ARHGAP30: variants seen among roughly 807,000 people sequenced by gnomAD.
ARHGAP30 encodes rho GTPase-activating protein 30.
In ARHGAP30, 23 loss-of-function variants were observed where a neutral mutation model predicts 72.0. That is an observed-to-expected ratio of 0.32 (90% CI 0.23 to 0.45). ARHGAP30 has a LOEUF of 0.45. ARHGAP30 is among the 20% of genes least tolerant of loss of function. The probability of loss-of-function intolerance (pLI) is 1.00; values close to 1 mark genes in which losing one functional copy is unlikely to be tolerated. For missense variants in ARHGAP30, 1,319 were observed against 1,383.4 expected, an observed-to-expected ratio of 0.95 and a Z score of 0.74; for synonymous variants, 576 against 528.2, an observed-to-expected ratio of 1.09 and a Z score of -1.24.
Position 161,053,310 on chromosome 1 carries a change from C to G in ARHGAP30, c.612G>C (p.Val204=). The change falls in exon 6 of 12, where the codon GTG becomes GTC. Residue 204 remains valine (V), a synonymous_variant. Coordinates refer to ENST00000368013, the MANE Select transcript of ARHGAP30 (RefSeq NM_001025598.2). ...GGTCCACGTGTGTGAGGATGAACTC[C>G]ACGACGATGGATTGTACCCGCACCT... The part of the protein sequence containing the change: ...FMEVRVQSIV[V]EFILTHVDQL... The G allele has an allele frequency of 6.2e-7, 1 of 1,613,978 alleles. No homozygotes were observed. Among genetic ancestry groups the G allele is most frequent in the Non-Finnish European group, 8.5e-7 (1 of 1,180,022 alleles).
intron 1 of ARHGAP30, among the ~76,000 whole-genome samples, chr1:161,061,665 C>A (rs926881924): frequency 5.7e-4 from 87 of 152,296 alleles, no homozygotes; most frequent in Non-Finnish European, 6.2e-4. Flanking sequence ...GGGTGCAAAA[C>A]CTGTACTATC....
rs1346609241 is a variant in ARHGAP30 at position 161,049,640 on chromosome 1, G to T, written c.1470C>A (p.Gly490=). The change falls in exon 11 of 12, where the codon GGC becomes GGA. Residue 490 remains glycine, a synonymous_variant. Coordinates refer to ENST00000368013, the MANE Select transcript of ARHGAP30 (RefSeq NM_001025598.2). ...SPASSPLADS[G]PDDLAPALED... is the part of the protein sequence containing the mutation. ...CCAGGGCAGGAGCCAAGTCGTCTGG[G>T]CCTGAGTCTGCCAGGGGACTTGAGG... 6.2e-7 allele frequency: 1 copy of T among 1,613,856 alleles called. No individual in the cohort carries two copies. The highest frequency in any genetic ancestry group is 8.5e-7 in the Non-Finnish European group (1 of 1,179,958).
Position 161,051,438 on chromosome 1 carries a change from C to T in ARHGAP30, c.1296G>A (p.Pro432=), listed in dbSNP as rs539740244. 3.7e-6 allele frequency: 6 copies of T among 1,614,204 alleles called. No homozygotes were observed. In the East Asian group the frequency reaches 6.7e-5, roughly 18 times the overall value. ...CCAAGGAAACGTTAGAGATGATGTT[C>T]GGGGGCACACTGAGGATAGAGGTGA... ...LHITSILSVP[P]NIISNVSLAR... The change falls in exon 10 of 12, where the codon CCG becomes CCA. Residue 432 remains proline (P), a synonymous_variant. Transcript: ENST00000368013.
Position 161,069,025 on chromosome 1 carries a change from G to T in ARHGAP30, c.97+503C>A, listed in dbSNP as rs958779747. On this transcript the variant is annotated intron_variant, in intron 1 of 11. Transcript: ENST00000368013. This position sits in a 1 kb window ranked among gnomAD's most constrained non-coding sequence, Gnocchi z 4.9. ...CCTGCGGCCCAGCAAGGCTGCAGTGGGAACAGAGCCCATGACCTTGTCCTT... is the reference window on the plus strand; with the variant it reads ...CCTGCGGCCCAGCAAGGCTGCAGTGTGAACAGAGCCCATGACCTTGTCCTT... Among the ~76,000 whole-genome samples, 2 of 152,134 alleles carry T rather than the reference G, an allele frequency of 1.3e-5. No individual in the cohort carries two copies.
At position 161,053,506 on chromosome 1, in the gene ARHGAP30, C is replaced by T. The variant is rs12042437; in HGVS notation, c.537-121G>A. ...TCTCTCTCTCTCTCTCTCTCTCTCT[C>T]GAATGACCTTAACCCCTTCTCTACC... On this transcript the variant is annotated intron_variant, in intron 5 of 11. Transcript: ENST00000368013. 2.7e-3 allele frequency: 2,248 copies of T among 842,658 alleles called. 49 individuals are homozygous for T. The highest frequency in any genetic ancestry group is 0.017 in the African/African-American group (229 of 13,764). 52.2% of individuals were successfully genotyped at this position (842,658 alleles called of 1,614,324 possible).
chr1:161,055,484 C>A (rs1001289150), intron 3 of ARHGAP30, among the ~76,000 whole-genome samples: 2 of 151,828 alleles, frequency 1.3e-5, no homozygotes, highest in Non-Finnish European at 2.9e-5. Context: ...CCGAAGGAGA[C>A]CCTGTCTCAA....
At position 161,059,613 on chromosome 1, in the gene ARHGAP30, C is replaced by T; in HGVS notation, c.200+1G>A. 1 of 1,611,586 alleles carries T rather than the reference C, an allele frequency of 6.2e-7. No homozygotes were observed. The highest frequency in any genetic ancestry group is 8.5e-7 in the Non-Finnish European group (1 of 1,178,580). On this transcript the variant is annotated splice_donor_variant, in intron 2 of 11. Coordinates refer to ENST00000368013, the MANE Select transcript of ARHGAP30 (RefSeq NM_001025598.2). LOFTEE classifies it high-confidence loss of function. ...GAGCCCTCCCACTCTGTTTGACTCA[C>T]CGAAGCTTCTGGATGTTGGAGGAGA... is the stretch of plus-strand genomic sequence containing the variant.
chr1:161,052,236 T>C (rs770924760), intron 9 of ARHGAP30, 50 bp downstream of exon 9: 18 of 1,599,654 alleles, frequency 1.1e-5, no homozygotes, highest in South Asian at 2.2e-5. Context: ...AAGCCCACGC[T>C]GGTCACATAG....
At chr1:161,051,182 A>G in intron 10 of ARHGAP30, 132 bp downstream of exon 10, 1 of 1,420,588 alleles carries the variant, frequency 7.0e-7, no homozygotes, top group Non-Finnish European at 9.3e-7. Context: ...CTAGGGAGGC[A>G]GCTAAAGGTA....
chr1:161,049,790 A>C (rs1651214073), intron 10 of ARHGAP30, 101 bp from the exon 11 acceptor site: 1 of 1,441,620 alleles, frequency 6.9e-7, no homozygotes, highest in African/African-American at 1.4e-5. Flanking sequence ...CAGCACTCCC[A>C]GCATTGCTAC....
chr1:161,054,846 G>T, intron 3 of ARHGAP30, 141 bp from the exon 4 acceptor site: 1 of 731,878 alleles, frequency 1.4e-6, no homozygotes, highest in South Asian at 1.6e-5. Flanking sequence ...GCGGTGCACT[G>T]ACTTGGTAGA....
intron 1 of ARHGAP30, among the ~76,000 whole-genome samples, chr1:161,064,795 G>GAAAGAA (rs1652590536): frequency 1.8e-5 from 1 of 56,170 alleles, no homozygotes; most frequent in African/African-American, 1.1e-4. Flanking sequence ...AAGAAAGAAA[G>GAAAGAA]AAAGAAAGAA....
In ARHGAP30 at chr1:161,051,395, G is replaced by C. The variant is rs1207420924; in HGVS notation, c.1339C>G (p.Leu447Val). 4.3e-6 allele frequency: 7 copies of C among 1,613,958 alleles called. No homozygotes were observed. The highest frequency in any genetic ancestry group is 5.9e-6 in the Non-Finnish European group (7 of 1,180,046). Reference protein sequence around the residue: ...NVSLARLTRGLECPALQHRPS... With the variant: ...NVSLARLTRGVECPALQHRPS... ...CGGTGCTGTAGAGCAGGGCACTCAA[G>C]GCCACGGGTGAGCCTGGCCAAGGAA... The change falls in exon 10 of 12, where the codon CTT becomes GTT. Residue 447 changes from leucine (L) to valine (V), a missense_variant. By Grantham distance (32) the Leu-to-Val change is conservative. This residue lies in a region of ARHGAP30 where 1,097 missense variants were observed against 1,045.2 expected (regional missense o/e 1.05). Coordinates refer to ENST00000368013, the MANE Select transcript of ARHGAP30 (RefSeq NM_001025598.2).
intron 10 of ARHGAP30, among the ~76,000 whole-genome samples, chr1:161,050,295 CTT>C (rs34136308): frequency 3.4e-5 from 4 of 118,610 alleles, no homozygotes; most frequent in Admixed American, 1.9e-4. Context: ...GCACTTGGAC[CTT>C]TTTTTTTTTT....
intron 1 of ARHGAP30, among the ~76,000 whole-genome samples, chr1:161,064,681 C>T (rs1652555915): frequency 6.6e-6 from 1 of 151,546 alleles, no homozygotes; most frequent in Non-Finnish European, 1.5e-5. Flanking sequence ...TGCTTGAGCC[C>T]AGGAGTTTGA....
chr1:161,053,463 TCTCTCTCTCTCTCTC>T, intron 5 of ARHGAP30, 78 bp from the exon 6 acceptor site: 1 of 296,968 alleles, frequency 3.4e-6, no homozygotes, highest in Non-Finnish European at 4.4e-6. Context: ...AATACCTTAT[TCTCTCTCTCTCTCTC>T]TCTCTCTCTC....
At chr1:161,068,979 G>A (rs1253283272) in intron 1 of ARHGAP30, among the ~76,000 whole-genome samples, 2 of 152,120 alleles carry the variant, frequency 1.3e-5, no homozygotes, top group African/African-American at 2.4e-5. Flanking sequence ...GGCAGAGGTT[G>A]TTTCCAGCCC....
chr1:161,055,842 T>TAAAATAAAATAAAATA (rs1209243824), intron 3 of ARHGAP30, among the ~76,000 whole-genome samples: 4 of 31,818 alleles, frequency 1.3e-4, no homozygotes, highest in Non-Finnish European at 2.7e-4. Flanking sequence ...TAAAATAAAA[T>TAAAATAAAATAAAATA]AAATAAAATA....
At chr1:161,058,601 T>C (rs1652067128) in intron 2 of ARHGAP30, among the ~76,000 whole-genome samples, 1 of 138,800 alleles carries the variant, frequency 7.2e-6, no homozygotes, top group Non-Finnish European at 1.5e-5. Flanking sequence ...CACTCCACCC[T>C]GGGCAACAGA....
Sources: allele counts gnomAD v4.1 joint callset (sites outside exome capture counted in the v4.1 genomes callset), GRCh38; gene constraint gnomAD v4.1.1; regional missense constraint gnomAD v4.1.1; non-coding constraint Gnocchi (gnomAD v3.1); transcripts MANE v1.5; gene names NCBI Gene and HGNC (gene_info 2026-07-23, HGNC 2026-07-21).